Variants in DNAH7 observed in about 807,000 individuals in gnomAD.
DNAH7 encodes the protein dynein axonemal heavy chain 7, also known as axonemal beta dynein heavy chain 7.
In DNAH7, 397 loss-of-function variants were observed where a neutral mutation model predicts 444.6. The ratio of observed to expected loss-of-function variants is 0.89; its 90% CI spans 0.82 to 0.97. DNAH7 has a LOEUF of 0.97. Ranked by LOEUF, DNAH7 falls within the 50% of genes least tolerant of loss-of-function variation. The pLI is 0.00. For synonymous variants in DNAH7, 1,636 were observed against 1,624.4 expected, an observed-to-expected ratio of 1.01 and a Z score of -0.17; for missense variants, 4,902 against 4,800.8, an observed-to-expected ratio of 1.02 and a Z score of -0.62.
At chr2:195,789,716 T>A (rs1695788462) in intron 57 of DNAH7, among the ~76,000 whole-genome samples, 1 of 151,908 alleles carries the variant, frequency 6.6e-6, no homozygotes. Flanking sequence ...ACATCACCTA[T>A]GGAATATCTT....
rs140376709 is a variant in DNAH7 at position 195,884,643 on chromosome 2, G to A, written c.5705C>T (p.Ala1902Val). The change falls in exon 35 of 65, where the codon GCA becomes GTA. Residue 1902 changes from alanine (A) to valine (V), a missense_variant. By Grantham distance (64) the Ala-to-Val change is moderately conservative. Coordinates refer to ENST00000312428, the MANE Select transcript of DNAH7 (RefSeq NM_018897.3). ...QSGTEQTSSK[A>V]LTVPFPEKGT... ...TTTTTCAGGAAATGGGACAGTTAGT[G>A]CCTTTGAGGATGTTTGCTCAGTACC... 6.2e-7 allele frequency: 1 copy of A among 1,614,150 alleles called. No individual in the cohort carries two copies. Among genetic ancestry groups the A allele is most frequent in the East Asian group, 2.2e-5 (1 of 44,872 alleles).
At chr2:195,809,077 AT>A (rs1696840294) in intron 52 of DNAH7, among the ~76,000 whole-genome samples, 1 of 152,326 alleles carries the variant, frequency 6.6e-6, no homozygotes, top group Non-Finnish European at 1.5e-5. Context: ...AAATAGTTCC[AT>A]TTCAAATAGT....
Position 195,957,334 on chromosome 2 carries a change from T to C in DNAH7, c.3005A>G (p.Gln1002Arg), listed in dbSNP as rs992769837. Residue 1002 changes from glutamine to arginine, a missense_variant, in exon 19 of 65, where the codon CAA becomes CGA. By Grantham distance (43) the Gln-to-Arg change is conservative. Coordinates refer to ENST00000312428, the MANE Select transcript of DNAH7 (RefSeq NM_018897.3). The part of the protein sequence containing the change: ...PIFSSPDIMS[Q>R]MPEEGRRFTA... The stretch of plus-strand genomic sequence containing the variant: ...AAATCGTCTGCCTTCCTCAGGCATT[T>C]GAGACATAATGTCTGGAGAGCTGAA... 6.2e-7 allele frequency: 1 copy of C among 1,607,848 alleles called. No individual in the cohort carries two copies. Among genetic ancestry groups the C allele is most frequent in the Non-Finnish European group, 8.5e-7 (1 of 1,175,804 alleles).
At chr2:195,976,788 A>AGAGAGAGAGAGAGAGAGAGG (rs1559295144) in intron 15 of DNAH7, among the ~76,000 whole-genome samples, 1 of 144,374 alleles carries the variant, frequency 6.9e-6, no homozygotes, top group Non-Finnish European at 1.5e-5. Flanking sequence ...AGAGAGAGAG[A>AGAGAGAGAGAGAGAGAGAGG]CTCTCTAATT....
At chr2:195,763,524 C>T (rs1352286299) in intron 61 of DNAH7, among the ~76,000 whole-genome samples, 1 of 151,646 alleles carries the variant, frequency 6.6e-6, no homozygotes, top group Non-Finnish European at 1.5e-5. Flanking sequence ...TAAATAAAAT[C>T]AGAGATGAAA....
chr2:195,744,915 C>T (rs1693296286), intron 63 of DNAH7, among the ~76,000 whole-genome samples: 1 of 152,180 alleles, frequency 6.6e-6, no homozygotes, highest in South Asian at 2.1e-4. Flanking sequence ...AAAAACAGAG[C>T]AGAAAAACTG....
At chr2:195,937,997 A>G (rs1419771990) in intron 19 of DNAH7, among the ~76,000 whole-genome samples, 2 of 152,166 alleles carry the variant, frequency 1.3e-5, no homozygotes, top group African/African-American at 4.8e-5. Context: ...TTAACTAATT[A>G]GATATTTTTG....
chr2:195,915,938 C>T (rs1687647643), intron 24 of DNAH7, among the ~76,000 whole-genome samples: 1 of 152,164 alleles, frequency 6.6e-6, no homozygotes, highest in Non-Finnish European at 1.5e-5. Context: ...AGTTTATTTT[C>T]CATTACTTTA....
At chr2:195,987,333 G>A (rs879683643) in intron 13 of DNAH7, 140 bp from the exon 14 acceptor site, 2 of 569,414 alleles carry the variant, frequency 3.5e-6, no homozygotes, top group Non-Finnish European at 5.7e-6. Flanking sequence ...AATTCAGGGA[G>A]GGTTTTCCAA....
intron 3 of DNAH7, among the ~76,000 whole-genome samples, chr2:196,049,791 T>C (rs923033146): frequency 6.6e-6 from 1 of 152,220 alleles, no homozygotes; most frequent in Admixed American, 6.5e-5. Context: ...TTATTATGCG[T>C]CTCAGCCATA....
Position 196,068,799 on chromosome 2 carries a change from C to G in DNAH7, c.-88G>C. On this transcript the variant is annotated 5_prime_UTR_variant, in exon 1 of 65. Coordinates refer to ENST00000312428, the MANE Select transcript of DNAH7 (RefSeq NM_018897.3). ...GGACGATAGAGGCAGGGCCCCGGGA[C>G]TTGCAGCGGTCTCAGCTCCCTCCGC... The G allele has an allele frequency of 6.6e-7, 1 of 1,510,650 alleles. No individual in the cohort carries two copies. 93.6% of individuals were successfully genotyped at this position (1,510,650 alleles called of 1,614,324 possible). A position where few individuals can be genotyped will look rare whatever the true frequency, so the allele number is the denominator to read the frequency against.
chr2:195,922,002 G>A lies in DNAH7; in HGVS notation c.3935+86C>T. ...AACACAGGCTAAATTAACAGTATGA[G>A]AGACAATTTGGTATTTTTAAATAAA... On this transcript the variant is annotated intron_variant, in intron 24 of 64. Transcript: ENST00000312428. 7.7e-6 allele frequency: 6 copies of A among 774,458 alleles called. No individual in the cohort carries two copies. In the Admixed American group the frequency reaches 9.5e-5, roughly 12 times the overall value. 48.0% of individuals were successfully genotyped at this position (774,458 alleles called of 1,614,324 possible).
intron 24 of DNAH7, among the ~76,000 whole-genome samples, chr2:195,912,619 G>A (rs114228884): frequency 0.018 from 2,814 of 152,242 alleles, 78 homozygotes; most frequent in African/African-American, 0.063. Flanking sequence ...GGGAGAATCC[G>A]GTCACTGGAA....
chr2:196,023,189 A>AGT lies in DNAH7; in HGVS notation c.743+1238_743+1239dup, dbSNP rs1695482492. 2.0e-5 allele frequency among the ~76,000 whole-genome samples: 3 copies of AGT among 152,090 alleles called. No homozygotes were observed. The South Asian group carries it at 6.2e-4, about 32-fold the overall frequency. On this transcript the variant is annotated intron_variant, in intron 8 of 64. Transcript: ENST00000312428. ...TTCTCATGAGATCTGGATGTTTAAA[A>AGT]GTGTGTGGCATCTTCCCTCTCACTC...
At position 195,870,607 on chromosome 2, in the gene DNAH7, T is replaced by C. The variant is rs191885152; in HGVS notation, c.6633+1643A>G. Among the ~76,000 whole-genome samples, 223 of 152,316 alleles carry C rather than the reference T, an allele frequency of 1.5e-3. 1 individual carries two copies. Among genetic ancestry groups the C allele is most frequent in the Middle Eastern group, 3.4e-3 (1 of 294 alleles). On this transcript the variant is annotated intron_variant, in intron 40 of 64. Coordinates refer to ENST00000312428, the MANE Select transcript of DNAH7 (RefSeq NM_018897.3). ...ATCCTCACCCCCAAGGTGATAGTATTGCAGTGGAGACTCTGGGAGGTAATT... is the reference window on the plus strand; with the variant it reads ...ATCCTCACCCCCAAGGTGATAGTATCGCAGTGGAGACTCTGGGAGGTAATT...
At chr2:196,067,162 T>G (rs1698473649) in intron 1 of DNAH7, among the ~76,000 whole-genome samples, 1 of 152,164 alleles carries the variant, frequency 6.6e-6, no homozygotes, top group Non-Finnish European at 1.5e-5. Context: ...GCTGGTGGGT[T>G]TTTTGTGGAT....
At chr2:195,968,405 A>T (rs1691624221) in intron 17 of DNAH7, among the ~76,000 whole-genome samples, 1 of 152,084 alleles carries the variant, frequency 6.6e-6, no homozygotes, top group African/African-American at 2.4e-5. Context: ...GTATGTCTAC[A>T]TATGTCATCT....
intron 57 of DNAH7, 21 bp downstream of exon 57, chr2:195,794,317 C>T (rs75176325): frequency 6.2e-7 from 1 of 1,613,556 alleles, no homozygotes; most frequent in South Asian, 1.1e-5. Context: ...GCCGAGGTAA[C>T]AAGACTTAAC....
chr2:195,922,048 G>C, intron 24 of DNAH7, 40 bp downstream of exon 24: 1 of 1,212,284 alleles, frequency 8.2e-7, no homozygotes, highest in Non-Finnish European at 1.2e-6. Context: ...AGGGGTGAGT[G>C]AAAGTTATTT....
Sources: gnomAD v4.1 joint callset for allele counts (sites outside exome capture counted in the v4.1 genomes callset) on GRCh38, gnomAD v4.1.1 for gene constraint, MANE v1.5 for transcripts, NCBI Gene and HGNC (gene_info 2026-07-23, HGNC 2026-07-21) for gene names.